The following CPHXL variants were observed in gnomAD, a reference collection of about 807,000 sequenced individuals.
CPHXL encodes cytoplasmic polyadenylated homeobox-like protein.
chr16:75,725,297 T>G (rs2151840650), intron 1 of CPHXL, among the ~76,000 whole-genome samples: 1 of 152,068 alleles, frequency 6.6e-6, no homozygotes, highest in East Asian at 1.9e-4. Context: ...CTTTCTTTTT[T>G]TCTTTATTTT....
At chr16:75,722,487 A>T (rs111318465) in intron 1 of CPHXL, among the ~76,000 whole-genome samples, 1 of 152,234 alleles carries the variant, frequency 6.6e-6, no homozygotes. Flanking sequence ...CCTCTACACA[A>T]GTAAACTAGA....
chr16:75,722,305 A>G (rs906170553), intron 1 of CPHXL, among the ~76,000 whole-genome samples: 4 of 152,214 alleles, frequency 2.6e-5, no homozygotes, highest in East Asian at 3.8e-4. Flanking sequence ...AAAAAAATCA[A>G]TGAATCCAGG....
intron 1 of CPHXL, among the ~76,000 whole-genome samples, chr16:75,720,620 C>T (rs1369486513): frequency 6.6e-6 from 1 of 152,190 alleles, no homozygotes. Context: ...ACCAAATCTA[C>T]GTCTGATTGG....
chr16:75,714,239 T>G lies in CPHXL; in HGVS notation c.1203A>C (p.Gln401His), dbSNP rs1463151084. The part of the protein sequence containing the change: ...QERASEQPRT[Q>H]MQQL ...ACTCTTCAACTTAAAGTTGCTGCAT[T>G]TGGGTCCTGGGTTGCTCTGAAGCCC... The change falls in exon 3 of 3, where the codon CAA becomes CAC. Residue 401 changes from glutamine (Q) to histidine (H), a missense_variant. Coordinates refer to ENST00000640559, the MANE Select transcript of CPHXL (RefSeq NM_001355613.1). 5.0e-6 allele frequency: 2 copies of G among 398,532 alleles called. No individual in the cohort carries two copies. Among genetic ancestry groups the G allele is most frequent in the African/African-American group, 4.1e-5 (2 of 48,624 alleles). The allele number at this position is 398,532 out of a possible 1,614,324, so 24.7% of individuals were successfully genotyped here.
Position 75,714,532 on chromosome 16 carries a change from C to T in CPHXL, c.910G>A (p.Gly304Arg), listed in dbSNP as rs562302637. 2 of 398,596 alleles carry T rather than the reference C, an allele frequency of 5.0e-6. No homozygotes were observed. Among genetic ancestry groups the T allele is most frequent in the African/African-American group, 4.1e-5 (2 of 48,722 alleles). 24.7% of individuals were successfully genotyped at this position (398,596 alleles called of 1,614,324 possible). The change falls in exon 3 of 3, where the codon GGA becomes AGA. Residue 304 changes from glycine to arginine, a missense_variant. Physicochemically the swap from Gly to Arg is moderately radical, Grantham distance 125. Coordinates refer to ENST00000640559, the MANE Select transcript of CPHXL (RefSeq NM_001355613.1). ...TGCCAATCATTCTGCTGCTGTTGTC[C>T]CAGCAGTGAGAGACAGAATGAGCAA... ...CLCSFCLSLLGQQQQNDWQYH... is the reference protein window; with the variant it reads ...CLCSFCLSLLRQQQQNDWQYH...
At chr16:75,726,377 G>A in intron 1 of CPHXL, 41 bp downstream of exon 1, 1 of 398,582 alleles carries the variant, frequency 2.5e-6, no homozygotes, top group Non-Finnish European at 4.4e-6. Flanking sequence ...GAAAAAGCAA[G>A]GGAAGTAGCA....
Position 75,720,474 on chromosome 16 carries a change from G to A in CPHXL, c.26-2016C>T, listed in dbSNP as rs571981885. Among the ~76,000 whole-genome samples, 236 of 152,266 alleles carry A rather than the reference G, an allele frequency of 1.5e-3. 1 individual carries two copies. Among genetic ancestry groups the A allele is most frequent in the Non-Finnish European group, 1.6e-3 (111 of 68,030 alleles). Reference sequence around the variant, plus strand: ...GACGAATGCACAAGCCTCAGTAGCCGATTCGATCAACTGGAAGAAAGGGCA... The same window carrying A: ...GACGAATGCACAAGCCTCAGTAGCCAATTCGATCAACTGGAAGAAAGGGCA... On this transcript the variant is annotated intron_variant, in intron 1 of 2. Transcript: ENST00000640559.
At chr16:75,719,872 C>T (rs1959450104) in intron 1 of CPHXL, among the ~76,000 whole-genome samples, 1 of 152,108 alleles carries the variant, frequency 6.6e-6, no homozygotes, top group African/African-American at 2.4e-5. Context: ...CAGACTGACA[C>T]CTCACACGGC....
At chr16:75,716,864 A>G (rs1415830670) in intron 2 of CPHXL, among the ~76,000 whole-genome samples, 2 of 152,202 alleles carry the variant, frequency 1.3e-5, no homozygotes, top group Non-Finnish European at 2.9e-5. Context: ...ATCTTAGCTA[A>G]GTGCTCTCCC....
intron 1 of CPHXL, among the ~76,000 whole-genome samples, chr16:75,724,050 C>T (rs1003196670): frequency 5.9e-5 from 9 of 152,204 alleles, no homozygotes; most frequent in Non-Finnish European, 1.3e-4. Context: ...ATAAATGGTG[C>T]TGGGAAAGTT....
At chr16:75,721,976 A>C (rs1234227814) in intron 1 of CPHXL, among the ~76,000 whole-genome samples, 1 of 152,220 alleles carries the variant, frequency 6.6e-6, no homozygotes, top group Non-Finnish European at 1.5e-5. Context: ...AATTACATGG[A>C]AACTGAACAA....
At chr16:75,720,892 A>G (rs1023599288) in intron 1 of CPHXL, among the ~76,000 whole-genome samples, 6 of 152,264 alleles carry the variant, frequency 3.9e-5, no homozygotes, top group African/African-American at 1.4e-4. Context: ...CTATCAGACT[A>G]ACAGCGGATC....
chr16:75,716,408 C>T (rs1054714026), intron 2 of CPHXL, among the ~76,000 whole-genome samples: 1 of 152,220 alleles, frequency 6.6e-6, no homozygotes, highest in Admixed American at 6.5e-5. Flanking sequence ...TGCTGACCTC[C>T]TCTCTGGGTT....
At chr16:75,722,457 AT>A (rs1959491597) in intron 1 of CPHXL, among the ~76,000 whole-genome samples, 1 of 152,204 alleles carries the variant, frequency 6.6e-6, no homozygotes, top group South Asian at 2.1e-4. Flanking sequence ...ACAAACTACC[AT>A]CAGAGAATAC....
chr16:75,723,790 C>T (rs1213312795), intron 1 of CPHXL, among the ~76,000 whole-genome samples: 4 of 152,022 alleles, frequency 2.6e-5, no homozygotes, highest in Non-Finnish European at 4.4e-5. Flanking sequence ...GCCCACATTG[C>T]CAAGTCAATC....
At chr16:75,721,824 C>G (rs1368977464) in intron 1 of CPHXL, among the ~76,000 whole-genome samples, 2 of 152,178 alleles carry the variant, frequency 1.3e-5, no homozygotes, top group East Asian at 3.8e-4. Flanking sequence ...CACACCACAC[C>G]TATTCCAAAA....
At position 75,721,523 on chromosome 16, in the gene CPHXL, C is replaced by T. The variant is rs936717584; in HGVS notation, c.26-3065G>A. On this transcript the variant is annotated intron_variant, in intron 1 of 2. Transcript: ENST00000640559. ...GACAAAGAAGGCCATTACATAATGG[C>T]AAAGGGATCAATTCAACAAGAAAAG... Among the ~76,000 whole-genome samples the T allele has an allele frequency of 9.5e-4, 144 of 152,162 alleles. 1 individual carries two copies. Among genetic ancestry groups the T allele is most frequent in the African/African-American group, 3.3e-3 (136 of 41,516 alleles).
At chr16:75,724,371 T>C (rs1279980135) in intron 1 of CPHXL, among the ~76,000 whole-genome samples, 3 of 152,084 alleles carry the variant, frequency 2.0e-5, no homozygotes, top group East Asian at 1.9e-4. Context: ...TTGCAATCTA[T>C]CCATCTGACA....
At chr16:75,726,394 GA>G (rs1959560239) in intron 1 of CPHXL, 23 bp downstream of exon 1, 2 of 398,462 alleles carry the variant, frequency 5.0e-6, no homozygotes, top group African/African-American at 4.1e-5. Flanking sequence ...AGCATTGTAA[GA>G]GAAAAAGCTG....
Sources: allele counts gnomAD v4.1 joint callset (sites outside exome capture counted in the v4.1 genomes callset), GRCh38; gene constraint gnomAD v4.1.1; transcripts MANE v1.5; gene names NCBI Gene and HGNC (gene_info 2026-07-23, HGNC 2026-07-21).